The following C4orf54 variants were observed in gnomAD, a reference collection of about 807,000 sequenced individuals.
C4orf54 encodes the protein uncharacterized protein C4orf54.
In C4orf54, 67 loss-of-function variants were observed where a neutral mutation model predicts 80.1. The ratio of observed to expected loss-of-function variants is 0.84; its 90% CI spans 0.69 to 1.03. The LOEUF (loss-of-function observed/expected upper bound fraction) is 1.03, where lower values mean the gene tolerates loss of function less well. Among genes scored for constraint, C4orf54 ranks in the 50% least tolerant of loss-of-function variants. The pLI, the probability that C4orf54 is intolerant of heterozygous loss-of-function variation, is 0.00. For synonymous variants in C4orf54, 1,000 were observed against 917.0 expected (o/e 1.09, Z -1.64); for missense variants, 2,434 against 2,253.5 (o/e 1.08, Z -1.62).
rs929893772 is a variant in C4orf54, at chr4:99,657,581, A to G, written c.-118T>C. 7.9e-5 allele frequency among the ~76,000 whole-genome samples: 12 copies of G among 152,224 alleles called. No individual in the cohort carries two copies. Among genetic ancestry groups the G allele is most frequent in the Non-Finnish European group, 1.3e-4 (9 of 68,044 alleles). Reference sequence around the variant, plus strand: ...AAAATTTGAAGAGAAATCTTTTTCAAATGAAGTCAATTTCCAGTCGGGTTT... The same window carrying G: ...AAAATTTGAAGAGAAATCTTTTTCAGATGAAGTCAATTTCCAGTCGGGTTT... On this transcript the variant is annotated 5_prime_UTR_variant, in exon 1 of 3. Transcript: ENST00000511828.
Position 99,657,497 on chromosome 4 carries a change from C to T in C4orf54, c.-34G>A, listed in dbSNP as rs1726999896. On this transcript the variant is annotated splice_region_variant and 5_prime_UTR_variant, in exon 1 of 3. Coordinates refer to ENST00000511828, the MANE Select transcript of C4orf54 (RefSeq NM_001354435.2). The stretch of plus-strand genomic sequence containing the variant: ...ATCATTCTGACAGTAGTACTTACCT[C>T]CAAAGTATCTGTGTGGCTCCTTTAC... Among the ~76,000 whole-genome samples, 1 of 152,216 alleles carries T rather than the reference C, an allele frequency of 6.6e-6. No homozygotes were observed. The highest frequency in any genetic ancestry group is 2.4e-5 in the African/African-American group (1 of 41,452).
chr4:99,653,665 T>A lies in C4orf54; in HGVS notation c.984A>T (p.Gly328=). ...VGGEGEKISG[G]GGGGKGGGGG... ...CCCCTCCTCCTTTTCCTCCTCCCCC[T>A]CCTCCTGATATTTTCTCTCCTTCTC... Residue 328 remains glycine, a synonymous_variant, in exon 2 of 3, where the codon GGA becomes GGT. Transcript: ENST00000511828. 1.3e-6 allele frequency: 2 copies of A among 1,507,328 alleles called. No individual in the cohort carries two copies. 93.4% of individuals were successfully genotyped at this position (1,507,328 alleles called of 1,614,324 possible). A position where few individuals can be genotyped will look rare whatever the true frequency, so the allele number is the denominator to read the frequency against.
Position 99,649,393 on chromosome 4 carries a change from G to A in C4orf54, c.5256C>T (p.Ala1752=). ...APAATSQLLG[A]KAFAQLHGKP... The stretch of plus-strand genomic sequence containing the variant: ...TGCCATGCAGCTGGGCAAAGGCCTT[G>A]GCCCCTAGGAGCTGGGATGTGGCTG... The change falls in exon 2 of 3, where the codon GCC becomes GCT. Residue 1752 remains alanine, a synonymous_variant. Coordinates refer to ENST00000511828, the MANE Select transcript of C4orf54 (RefSeq NM_001354435.2). 1 of 1,536,166 alleles carries A rather than the reference G, an allele frequency of 6.5e-7. No individual in the cohort carries two copies. The highest frequency in any genetic ancestry group is 8.7e-7 in the Non-Finnish European group (1 of 1,146,920).
intron 2 of C4orf54, among the ~76,000 whole-genome samples, chr4:99,644,247 G>C (rs1460841479): frequency 6.6e-6 from 1 of 152,146 alleles, no homozygotes; most frequent in African/African-American, 2.4e-5. Context: ...ATGATGTTAA[G>C]TCTTGGTATA....
At chr4:99,648,918 A>C (rs2724583) in intron 2 of C4orf54, among the ~76,000 whole-genome samples, 104 of 152,230 alleles carry the variant, frequency 6.8e-4, no homozygotes, top group Non-Finnish European at 1.3e-3. Context: ...TTGCCCTGAC[A>C]ACGTTCACCA....
Position 99,652,718 on chromosome 4 carries a change from A to G in C4orf54, c.1931T>C (p.Ile644Thr), listed in dbSNP as rs1260121360. Reference sequence around the variant, plus strand: ...CGTGGTGGAGGACTCCCGGGAGCTGATGTTCAGAGCCTCAAAGTAGGGGTA... The same window carrying G: ...CGTGGTGGAGGACTCCCGGGAGCTGGTGTTCAGAGCCTCAAAGTAGGGGTA... ...LAYPYFEALN[I>T]SSRESSTTLS... The change falls in exon 2 of 3, where the codon ATC becomes ACC. Residue 644 changes from isoleucine (I) to threonine (T), a missense_variant. Coordinates refer to ENST00000511828, the MANE Select transcript of C4orf54 (RefSeq NM_001354435.2). 5 of 1,536,002 alleles carry G rather than the reference A, an allele frequency of 3.3e-6. No homozygotes were observed. Among genetic ancestry groups the G allele is most frequent in the Middle Eastern group, 1.7e-4 (1 of 5,990 alleles).
chr4:99,648,617 G>A (rs1726739530), intron 2 of C4orf54, among the ~76,000 whole-genome samples: 2 of 149,544 alleles, frequency 1.3e-5, no homozygotes, highest in African/African-American at 5.0e-5. Context: ...AACTCATCCT[G>A]AGAACATGTT....
Position 99,637,933 on chromosome 4 carries a change from C to A in C4orf54, c.*3300G>T, listed in dbSNP as rs79939775. 232 of 152,252 alleles carry A rather than the reference C, an allele frequency of 1.5e-3. 1 individual carries two copies. The highest frequency in any genetic ancestry group is 5.4e-3 in the African/African-American group (223 of 41,552). The allele number at this position is 152,252 out of a possible 1,614,324, so 9.4% of individuals were successfully genotyped here. Reference sequence around the variant, plus strand: ...GATTATAGTCAATCTACTTAGGAATCAATACTGTCCTGTCCTGCAGTCCAA... The same window carrying A: ...GATTATAGTCAATCTACTTAGGAATAAATACTGTCCTGTCCTGCAGTCCAA... On this transcript the variant is annotated 3_prime_UTR_variant, in exon 3 of 3. Coordinates refer to ENST00000511828, the MANE Select transcript of C4orf54 (RefSeq NM_001354435.2).
chr4:99,641,827 GT>G (rs1005541891), intron 2 of C4orf54, among the ~76,000 whole-genome samples: 3 of 151,802 alleles, frequency 2.0e-5, no homozygotes, highest in Admixed American at 6.6e-5. Context: ...GCCTAAGTAA[GT>G]TTTTTTTAAC....
intron 1 of C4orf54, among the ~76,000 whole-genome samples, chr4:99,656,044 C>T (rs113836829): frequency 0.023 from 3,527 of 152,280 alleles, 103 homozygotes; most frequent in Middle Eastern, 0.1. Flanking sequence ...CCGTTATCCT[C>T]TCAACTCCTT....
Position 99,649,762 on chromosome 4 carries a change from C to T in C4orf54, c.4887G>A (p.Gln1629=). The change falls in exon 2 of 3, where the codon CAG becomes CAA. Residue 1629 remains glutamine (Q), a synonymous_variant. Transcript: ENST00000511828. ...GQYYLVDTPV[Q]PMTRRLFDPE... is the part of the protein sequence containing the mutation. ...GGTCAAACAGTCTCCGGGTCATGGGCTGTACTGGTGTGTCCACCAGATAGT... is the reference window on the plus strand; with the variant it reads ...GGTCAAACAGTCTCCGGGTCATGGGTTGTACTGGTGTGTCCACCAGATAGT... The T allele has an allele frequency of 1.3e-6, 2 of 1,536,214 alleles. No homozygotes were observed. Among genetic ancestry groups the T allele is most frequent in the Non-Finnish European group, 1.7e-6 (2 of 1,146,916 alleles).
At position 99,654,480 on chromosome 4, in the gene C4orf54, G is replaced by A. The variant is rs1726945729; in HGVS notation, c.169C>T (p.Pro57Ser). 5 of 706,146 alleles carry A rather than the reference G, an allele frequency of 7.1e-6. No individual in the cohort carries two copies. The highest frequency in any genetic ancestry group is 1.3e-5 in the Non-Finnish European group (5 of 387,768). 43.7% of individuals were successfully genotyped at this position (706,146 alleles called of 1,614,324 possible). A position where few individuals can be genotyped will look rare whatever the true frequency, so the allele number is the denominator to read the frequency against. Reference sequence around the variant, plus strand: ...GCGGTGGAGGTGGTCTGTGGCTGGGGGGCTGCTGCTCCGGCCGAGACTGTG... The same window carrying A: ...GCGGTGGAGGTGGTCTGTGGCTGGGAGGCTGCTGCTCCGGCCGAGACTGTG... ...LATVSAGAAA[P>S]QPQTTSTASS... Residue 57 changes from proline (P) to serine (S), a missense_variant, in exon 2 of 3, where the codon CCC becomes TCC. Pro to Ser is a moderately conservative substitution (Grantham distance 74). Transcript: ENST00000511828.
At chr4:99,644,216 G>A (rs1021042516) in intron 2 of C4orf54, among the ~76,000 whole-genome samples, 1 of 152,202 alleles carries the variant, frequency 6.6e-6, no homozygotes, top group Non-Finnish European at 1.5e-5. Flanking sequence ...ATTAAAAATA[G>A]TACCTATCTG....
chr4:99,649,211 T>C lies in C4orf54; in HGVS notation c.*36+20A>G. On this transcript the variant is annotated intron_variant, in intron 2 of 2. Coordinates refer to ENST00000511828, the MANE Select transcript of C4orf54 (RefSeq NM_001354435.2). Reference sequence around the variant, plus strand: ...GTTCTTACTCTCTTAAACCTGATTATCAAAGTGAAATTCACTTACCAGCAG... The same window carrying C: ...GTTCTTACTCTCTTAAACCTGATTACCAAAGTGAAATTCACTTACCAGCAG... 2 of 1,449,886 alleles carry C rather than the reference T, an allele frequency of 1.4e-6. No homozygotes were observed. Among genetic ancestry groups the C allele is most frequent in the Admixed American group, 2.6e-5 (1 of 37,966 alleles). 89.8% of individuals were successfully genotyped at this position (1,449,886 alleles called of 1,614,324 possible). A position where few individuals can be genotyped will look rare whatever the true frequency, so the allele number is the denominator to read the frequency against.
At chr4:99,644,911 T>C (rs1004866868) in intron 2 of C4orf54, among the ~76,000 whole-genome samples, 1 of 111,210 alleles carries the variant, frequency 9.0e-6, no homozygotes, top group African/African-American at 3.5e-5. Flanking sequence ...CTCAAGCAAA[T>C]GGCAATGGAA....
At position 99,639,367 on chromosome 4, in the gene C4orf54, C is replaced by A. The variant is rs573415658; in HGVS notation, c.*1866G>T. The A allele has an allele frequency of 1.3e-5, 2 of 152,142 alleles. No individual in the cohort carries two copies. The highest frequency in any genetic ancestry group is 2.9e-5 in the Non-Finnish European group (2 of 67,948). 9.4% of individuals were successfully genotyped at this position (152,142 alleles called of 1,614,324 possible). A position where few individuals can be genotyped will look rare whatever the true frequency, so the allele number is the denominator to read the frequency against. On this transcript the variant is annotated 3_prime_UTR_variant, in exon 3 of 3. Coordinates refer to ENST00000511828, the MANE Select transcript of C4orf54 (RefSeq NM_001354435.2). ...ATACCCAGCCAATCTCTCCTGAAAA[C>A]GAGGAAGCTCTGATGCCATAAGATT...
rs1181131246 is a variant in C4orf54, at chr4:99,649,297, G to T, written c.5352C>A (p.Thr1784=). Residue 1784 remains threonine (T), a synonymous_variant, in exon 2 of 3, where the codon ACC becomes ACA. Coordinates refer to ENST00000511828, the MANE Select transcript of C4orf54 (RefSeq NM_001354435.2). The part of the protein sequence containing the change: ...RIIAPPSFDG[T]TMSFVVEHR ...TGTGTTCTACCACAAAGCTCATGGT[G>T]GTGCCATCAAAGGAAGGGGGAGCAA... 2.6e-6 allele frequency: 4 copies of T among 1,532,892 alleles called. No homozygotes were observed. In the African/African-American group the frequency reaches 5.5e-5, roughly 21 times the overall value. 95.0% of individuals were successfully genotyped at this position (1,532,892 alleles called of 1,614,324 possible).
intron 2 of C4orf54, among the ~76,000 whole-genome samples, chr4:99,648,554 A>AGGGT (rs1553930080): frequency 0.023 from 3,322 of 145,832 alleles, 96 homozygotes; most frequent in Middle Eastern, 0.097. Flanking sequence ...TAGAGAACAA[A>AGGGT]GTGTGTGTGT....
chr4:99,654,290 T>C lies in C4orf54; in HGVS notation c.359A>G (p.Gln120Arg). ...LRATLQPLRG[Q>R]RRTQDFPSDH... Reference sequence around the variant, plus strand: ...GCTGGGGAAGTCTTGGGTCCGTCTCTGGCCCCGGAGGGGCTGCAGAGTTGC... The same window carrying C: ...GCTGGGGAAGTCTTGGGTCCGTCTCCGGCCCCGGAGGGGCTGCAGAGTTGC... Residue 120 changes from glutamine (Q) to arginine (R), a missense_variant, in exon 2 of 3, where the codon CAG (glutamine) becomes CGG (arginine). Gln to Arg is a conservative substitution (Grantham distance 43). Transcript: ENST00000511828. 6.5e-7 allele frequency: 1 copy of C among 1,533,718 alleles called. No homozygotes were observed. The highest frequency in any genetic ancestry group is 1.2e-5 in the South Asian group (1 of 84,010).
Sources: gnomAD v4.1 joint callset for allele counts (sites outside exome capture counted in the v4.1 genomes callset) on GRCh38, gnomAD v4.1.1 for gene constraint, MANE v1.5 for transcripts, NCBI Gene and HGNC (gene_info 2026-07-23, HGNC 2026-07-21) for gene names.